EP300: variants seen among roughly 807,000 people sequenced by gnomAD.
EP300 encodes EP300 lysine acetyltransferase, also known as histone acetyltransferase p300.
Under a neutral mutation model 264.0 loss-of-function variants are expected in EP300, and 31 were observed. That is an observed-to-expected ratio of 0.12 (90% confidence interval 0.09 to 0.16). The LOEUF (loss-of-function observed/expected upper bound fraction) is 0.16. Ranked by LOEUF, EP300 falls within the 10% of genes least tolerant of loss-of-function variation. The probability of loss-of-function intolerance (pLI) is 1.00; values close to 1 mark genes in which losing one functional copy is unlikely to be tolerated. For synonymous variants in EP300, 1,340 were observed against 1,045.4 expected, an observed-to-expected ratio of 1.28 and a Z score of -5.44; for missense variants, 2,766 against 3,052.9, an observed-to-expected ratio of 0.91 and a Z score of 2.21.
At chr22:41,149,720 T>C (rs1421141700) in intron 13 of EP300, 41 bp from the exon 14 acceptor site, 1 of 1,595,152 alleles carries the variant, frequency 6.3e-7, no homozygotes, top group African/African-American at 1.3e-5. Context: ...TCCTTAATTC[T>C]GTTCTGAATT....
chr22:41,170,360 A>C (rs781239508), intron 26 of EP300, 46 bp from the exon 27 acceptor site: 3 of 1,576,300 alleles, frequency 1.9e-6, no homozygotes, highest in Non-Finnish European at 2.6e-6. Context: ...GCCTTCTAGA[A>C]TAGATTATCT....
chr22:41,147,863 A>G lies in EP300; in HGVS notation c.2158A>G (p.Met720Val), dbSNP rs1162177712. Reference protein sequence around the residue: ...SGLNQFGQMSMAQPPIVPRQT... With the variant: ...SGLNQFGQMSVAQPPIVPRQT... ...TTTGAATCAATTTGGCCAGATGAGC[A>G]TGGCCCAGCCCCCTATTGTACCCCG... is the stretch of plus-strand genomic sequence containing the variant. The change falls in exon 12 of 31, where the codon ATG becomes GTG. Residue 720 changes from methionine (M) to valine (V), a missense_variant. Transcript: ENST00000263253. 4 of 1,614,030 alleles carry G rather than the reference A, an allele frequency of 2.5e-6. No homozygotes were observed. Among genetic ancestry groups the G allele is most frequent in the Non-Finnish European group, 2.5e-6 (3 of 1,180,004 alleles).
At chr22:41,104,662 G>A (rs1263482032) in intron 1 of EP300, among the ~76,000 whole-genome samples, 1 of 152,138 alleles carries the variant, frequency 6.6e-6, no homozygotes, top group Non-Finnish European at 1.5e-5. Flanking sequence ...TTGTCAATGT[G>A]AATTTTCTAA....
At chr22:41,160,960 A>G (rs772407586) in intron 20 of EP300, among the ~76,000 whole-genome samples, 1 of 151,132 alleles carries the variant, frequency 6.6e-6, no homozygotes, top group African/African-American at 2.4e-5. Flanking sequence ...CACAGAGAAC[A>G]TATCCATCAT....
chr22:41,178,590 C>G lies in EP300; in HGVS notation c.6879C>G (p.His2293Gln). Reference sequence around the variant, plus strand: ...TCCCAAATCAGGCCCAGTCCCCACACCTACAAGGCCAGCAGATCCCTAATT... The same window carrying G: ...TCCCAAATCAGGCCCAGTCCCCACAGCTACAAGGCCAGCAGATCCCTAATT... ...HMLPNQAQSP[H>Q]LQGQQIPNSL... The change falls in exon 31 of 31, where the codon CAC (histidine) becomes CAG (glutamine). Residue 2293 changes from histidine to glutamine, a missense_variant. His to Gln is a conservative substitution (Grantham distance 24). Transcript: ENST00000263253. The G allele has an allele frequency of 6.2e-7, 1 of 1,614,146 alleles. No individual in the cohort carries two copies. Among genetic ancestry groups the G allele is most frequent in the South Asian group, 1.1e-5 (1 of 91,072 alleles).
In EP300 at chr22:41,168,350, G is replaced by A. The variant is rs531033746; in HGVS notation, c.3875-99G>A. 6.3e-6 allele frequency: 9 copies of A among 1,424,278 alleles called. No individual in the cohort carries two copies. The East Asian group carries it at 2.0e-4, about 32-fold the overall frequency. 88.2% of individuals were successfully genotyped at this position (1,424,278 alleles called of 1,614,324 possible). On this transcript the variant is annotated intron_variant, in intron 23 of 30. Coordinates refer to ENST00000263253, the MANE Select transcript of EP300 (RefSeq NM_001429.4). ...TTTTAAAATTTCACCAAGTTATCCT[G>A]TTTGTATTGAAAAAAGTACAAATGA...
intron 1 of EP300, among the ~76,000 whole-genome samples, chr22:41,112,654 A>C (rs960946911): frequency 1.3e-5 from 2 of 150,210 alleles, no homozygotes; most frequent in African/African-American, 4.9e-5. Context: ...TTCTGTGTCC[A>C]TGAAGAAGAT....
intron 23 of EP300, among the ~76,000 whole-genome samples, chr22:41,167,336 T>C (rs73426560): frequency 0.016 from 2,370 of 152,114 alleles, 58 homozygotes; most frequent in African/African-American, 0.054. Context: ...CTTTTGGCCT[T>C]ATGTGATTGT....
At chr22:41,135,735 G>T in intron 6 of EP300, 78 bp from the exon 7 acceptor site, 2 of 1,145,018 alleles carry the variant, frequency 1.7e-6, no homozygotes, top group South Asian at 1.3e-5. Flanking sequence ...TTTGTCATTT[G>T]TTTCTTAACT....
chr22:41,151,762 C>T, intron 14 of EP300, 71 bp from the exon 15 acceptor site: 3 of 1,488,170 alleles, frequency 2.0e-6, no homozygotes, highest in South Asian at 2.3e-5. Flanking sequence ...CTGTTGCTTA[C>T]CTTACATTCT....
chr22:41,093,767 G>C (rs549617919), intron 1 of EP300, among the ~76,000 whole-genome samples: 1 of 152,256 alleles, frequency 6.6e-6, no homozygotes, highest in Admixed American at 6.5e-5. Context: ...TGAAACTCTG[G>C]GTTTTTAGGT....
At chr22:41,114,927 T>C (rs1483832522) in intron 1 of EP300, among the ~76,000 whole-genome samples, 1 of 152,174 alleles carries the variant, frequency 6.6e-6, no homozygotes, top group Non-Finnish European at 1.5e-5. Flanking sequence ...ATATTTTGTC[T>C]TCAAGGGATG....
At chr22:41,104,068 TTTG>T (rs530299019) in intron 1 of EP300, among the ~76,000 whole-genome samples, 83 of 152,320 alleles carry the variant, frequency 5.4e-4, no homozygotes, top group Non-Finnish European at 8.4e-4. Context: ...GCAAGGTTTT[TTTG>T]TTGTTGTTTT....
At chr22:41,099,332 C>G (rs2058718837) in intron 1 of EP300, among the ~76,000 whole-genome samples, 1 of 152,144 alleles carries the variant, frequency 6.6e-6, no homozygotes, top group Non-Finnish European at 1.5e-5. Flanking sequence ...CGCGCCCGGC[C>G]TGTTTTTGTT....
At chr22:41,157,044 G>C (rs1161989413) in intron 17 of EP300, 125 bp from the exon 18 acceptor site, 21 of 1,139,822 alleles carry the variant, frequency 1.8e-5, no homozygotes, top group Non-Finnish European at 2.7e-5. Flanking sequence ...GTCACCTCTT[G>C]GGGAATATAG....
At chr22:41,108,350 GCAATCCTC>G (rs2058770198) in intron 1 of EP300, among the ~76,000 whole-genome samples, 3 of 147,088 alleles carry the variant, frequency 2.0e-5, no homozygotes, top group African/African-American at 7.5e-5. Flanking sequence ...CTGGGCTCAA[GCAATCCTC>G]CCATCTCAGC....
intron 1 of EP300, among the ~76,000 whole-genome samples, chr22:41,104,098 T>C (rs1327302233): frequency 2.0e-5 from 3 of 152,188 alleles, no homozygotes; most frequent in Non-Finnish European, 1.5e-5. Flanking sequence ...GTTTTGTTTT[T>C]AAAGGGTATG....
chr22:41,106,447 C>T (rs76331127), intron 1 of EP300, among the ~76,000 whole-genome samples: 1,679 of 152,270 alleles, frequency 0.011, 12 homozygotes, highest in Non-Finnish European at 0.018. Context: ...CTGCCCACCT[C>T]ATCACTCACT....
chr22:41,178,766 TAGC>T lies in EP300; in HGVS notation c.7056_7058del (p.Ala2354del), dbSNP rs2059220125. 1 of 1,613,886 alleles carries T rather than the reference TAGC, an allele frequency of 6.2e-7. No individual in the cohort carries two copies. Among genetic ancestry groups the T allele is most frequent in the Non-Finnish European group, 8.5e-7 (1 of 1,179,996 alleles). The stretch of plus-strand genomic sequence containing the variant: ...ACAAGTTCCCCACATCCTGGACTGG[TAGC>T]TGCCCAGGCCAACCCCATGGAACAA... On this transcript the variant is annotated inframe_deletion, in exon 31 of 31. Transcript: ENST00000263253.
Sources: allele counts gnomAD v4.1 joint callset (sites outside exome capture counted in the v4.1 genomes callset), GRCh38; gene constraint gnomAD v4.1.1; transcripts MANE v1.5; gene names NCBI Gene and HGNC (gene_info 2026-07-23, HGNC 2026-07-21).